CELSR1: variants seen among roughly 807,000 people sequenced by gnomAD.
CELSR1 encodes cadherin EGF LAG seven-pass G-type receptor 1.
A neutral mutation model predicts 249.1 loss-of-function variants in CELSR1; 110 were observed. The ratio of observed to expected loss-of-function variants is 0.44; its 90% confidence interval spans 0.38 to 0.52. The LOEUF (loss-of-function observed/expected upper bound fraction) is 0.52. Ranked by LOEUF, CELSR1 falls within the 20% of genes least tolerant of loss-of-function variation. The probability of loss-of-function intolerance (pLI) is 0.00; values close to 1 mark genes in which losing one functional copy is unlikely to be tolerated. For synonymous variants in CELSR1, 2,113 were observed against 1,900.0 expected, an observed-to-expected ratio of 1.11 and a Z score of -2.92; for missense variants, 4,109 against 4,296.4, an observed-to-expected ratio of 0.96 and a Z score of 1.22.
rs759448590 is a variant in CELSR1 at position 46,408,985 on chromosome 22, G to A, written c.5226+11C>T. The A allele has an allele frequency of 3.2e-5, 51 of 1,597,292 alleles. No homozygotes were observed. Among genetic ancestry groups the A allele is most frequent in the Middle Eastern group, 4.1e-4 (2 of 4,856 alleles). ...CTAGCAGGTGCCTTGGTGGCACGGGGCCCCAGTCACCTGGAGGCGAAAGCT... is the reference window on the plus strand; with the variant it reads ...CTAGCAGGTGCCTTGGTGGCACGGGACCCCAGTCACCTGGAGGCGAAAGCT... On this transcript the variant is annotated intron_variant, in intron 9 of 34. Transcript: ENST00000674500. The surrounding 1 kb of genome is among the most constrained non-coding windows in gnomAD (Gnocchi z 4.6).
intron 24 of CELSR1, among the ~76,000 whole-genome samples, chr22:46,375,101 G>A (rs1480041423): frequency 1.3e-5 from 2 of 152,144 alleles, no homozygotes; most frequent in Non-Finnish European, 1.5e-5. Flanking sequence ...TGGTCCCACC[G>A]CTTGCCGTAA....
Position 46,491,219 on chromosome 22 carries a change from C to T in CELSR1, c.3545-26874G>A, listed in dbSNP as rs185718530. Among the ~76,000 whole-genome samples, 204 of 151,818 alleles carry T rather than the reference C, an allele frequency of 1.3e-3. 1 individual carries two copies. Among genetic ancestry groups the T allele is most frequent in the African/African-American group, 4.6e-3 (190 of 41,414 alleles). On this transcript the variant is annotated intron_variant, in intron 1 of 34. Coordinates refer to ENST00000674500, the MANE Select transcript of CELSR1 (RefSeq NM_001378328.1). The stretch of plus-strand genomic sequence containing the variant: ...CGTCTCCTAGGGGGAAAAGCAGCCC[C>T]ATCTGAGTGCCACTATACTAAAGAA...
chr22:46,482,536 G>A (rs1437835796), intron 1 of CELSR1, among the ~76,000 whole-genome samples: 1 of 152,136 alleles, frequency 6.6e-6, no homozygotes, highest in Non-Finnish European at 1.5e-5. Context: ...TAGAGGTTAA[G>A]TGACTTGCCC....
In CELSR1 at chr22:46,382,017, G is replaced by C; in HGVS notation, c.6917C>G (p.Thr2306Ser). The C allele has an allele frequency of 6.4e-7, 1 of 1,557,032 alleles. No individual in the cohort carries two copies. Among genetic ancestry groups the C allele is most frequent in the South Asian group, 1.2e-5 (1 of 84,874 alleles). Reference protein sequence around the residue: ...GPLLRPAGRRTTPQTTRPGPG... With the variant: ...GPLLRPAGRRSTPQTTRPGPG... ...CCCCGGGCGCGTGGTCTGCGGGGTG[G>C]TCCTCCGGCCAGCCGGCCTCAGCAG... Residue 2306 changes from threonine (T) to serine (S), a missense_variant, in exon 21 of 35, where the codon ACC (threonine) becomes AGC (serine). Thr to Ser is a moderately conservative substitution (Grantham distance 58). This residue lies in a region of CELSR1 where 1,805 missense variants were observed against 1,831.6 expected (regional missense o/e 0.99). Transcript: ENST00000674500.
chr22:46,380,756 C>T lies in CELSR1; in HGVS notation c.7256+32G>A. On this transcript the variant is annotated intron_variant, in intron 22 of 34. Coordinates refer to ENST00000674500, the MANE Select transcript of CELSR1 (RefSeq NM_001378328.1). The surrounding 1 kb of genome is among the most constrained non-coding windows in gnomAD (Gnocchi z 5.1). Reference sequence around the variant, plus strand: ...GCGGGGGCACTCTGCCTTGGCAAAGCCCTCACATGGGGCTCCTGGCGTCAC... The same window carrying T: ...GCGGGGGCACTCTGCCTTGGCAAAGTCCTCACATGGGGCTCCTGGCGTCAC... 2 of 1,603,444 alleles carry T rather than the reference C, an allele frequency of 1.2e-6. No homozygotes were observed. The highest frequency in any genetic ancestry group is 8.5e-7 in the Non-Finnish European group (1 of 1,174,352).
chr22:46,439,479 T>G lies in CELSR1; in HGVS notation c.4184-68A>C. The stretch of plus-strand genomic sequence containing the variant: ...AGCCAGGGAAAAGCCAACGAGCCTG[T>G]CGCAGACCCTGGACACACCCCAGCC... On this transcript the variant is annotated intron_variant, in intron 2 of 34. Transcript: ENST00000674500. 5 of 1,352,880 alleles carry G rather than the reference T, an allele frequency of 3.7e-6. No individual in the cohort carries two copies. In the South Asian group the frequency reaches 6.5e-5, roughly 18 times the overall value. The allele number at this position is 1,352,880 out of a possible 1,614,324, so 83.8% of individuals were successfully genotyped here.
chr22:46,409,259 G>C lies in CELSR1; in HGVS notation c.5060-97C>G. Reference sequence around the variant, plus strand: ...GGGGATGGGCCTGCAGGCTAGGCCTGGGCCTTTTTCACTTTAACACGAAGG... The same window carrying C: ...GGGGATGGGCCTGCAGGCTAGGCCTCGGCCTTTTTCACTTTAACACGAAGG... On this transcript the variant is annotated intron_variant, in intron 8 of 34. Transcript: ENST00000674500. This position sits in a 1 kb window ranked among gnomAD's most constrained non-coding sequence, Gnocchi z 9.8. 6 of 1,340,706 alleles carry C rather than the reference G, an allele frequency of 4.5e-6. No homozygotes were observed. The highest frequency in any genetic ancestry group is 6.1e-6 in the Non-Finnish European group (6 of 976,794). 83.1% of individuals were successfully genotyped at this position (1,340,706 alleles called of 1,614,324 possible). A position where few individuals can be genotyped will look rare whatever the true frequency, so the allele number is the denominator to read the frequency against.
rs929640916 is a variant in CELSR1 at position 46,369,103 on chromosome 22, C to T, written c.7952+76G>A. The T allele has an allele frequency of 2.7e-6, 4 of 1,468,422 alleles. No homozygotes were observed. In the African/African-American group the frequency reaches 4.2e-5, roughly 15 times the overall value. 91.0% of individuals were successfully genotyped at this position (1,468,422 alleles called of 1,614,324 possible). A position where few individuals can be genotyped will look rare whatever the true frequency, so the allele number is the denominator to read the frequency against. On this transcript the variant is annotated intron_variant, in intron 27 of 34. Transcript: ENST00000674500. ...AGGCCTACACGCTCTCATGGGGCCCCACCCCGCAGAGACTGGACGTCGGGG... is the reference window on the plus strand; with the variant it reads ...AGGCCTACACGCTCTCATGGGGCCCTACCCCGCAGAGACTGGACGTCGGGG...
rs147770062 is a variant in CELSR1, at chr22:46,468,172, C to A, written c.3545-3827G>T. 0.049 allele frequency among the ~76,000 whole-genome samples: 7,383 copies of A among 151,572 alleles called. 507 individuals are homozygous for A. Among genetic ancestry groups the A allele is most frequent in the African/African-American group, 0.15 (6,385 of 41,264 alleles). On this transcript the variant is annotated intron_variant, in intron 1 of 34. Transcript: ENST00000674500. This position sits in a 1 kb window ranked among gnomAD's most constrained non-coding sequence, Gnocchi z 4.5. ...GGAGGCCGAGGTGGGTGGATCACGA[C>A]GTCAGGAGTTCAAGACCAGCCTGGG...
In CELSR1 at chr22:46,391,147, C is replaced by G; in HGVS notation, c.6250+39G>C. On this transcript the variant is annotated intron_variant, in intron 16 of 34. Coordinates refer to ENST00000674500, the MANE Select transcript of CELSR1 (RefSeq NM_001378328.1). The surrounding 1 kb of genome is among the most constrained non-coding windows in gnomAD (Gnocchi z 4.3). ...TCGACTGGCTCCTCCCACAAGGACG[C>G]CTGCCTCAGTTCCCTACACACAGGC... The G allele has an allele frequency of 6.5e-7, 1 of 1,537,400 alleles. No homozygotes were observed. The highest frequency in any genetic ancestry group is 1.1e-5 in the South Asian group (1 of 88,788).
chr22:46,370,160 C>A, intron 25 of CELSR1: 1 of 467,286 alleles, frequency 2.1e-6, no homozygotes, highest in East Asian at 6.6e-5. Flanking sequence ...GCCAGCTGGG[C>A]CATGTAGAGG....
At chr22:46,368,625 CG>C (rs11304371) in intron 27 of CELSR1, among the ~76,000 whole-genome samples, 22,270 of 152,042 alleles carry the variant, frequency 0.15, 5,391 homozygotes, top group African/African-American at 0.5. Flanking sequence ...CAGATGCCCC[CG>C]TCAACCCCTC....
rs563473357 is a variant in CELSR1 at position 46,381,977 on chromosome 22, C to T, written c.6957G>A (p.Arg2319=). The stretch of plus-strand genomic sequence containing the variant: ...GCCTCCGCCTGCTGATCGGGGCCTC[C>T]CTCTCGGTGCCAGGCCCCGGGCGCG... ...QTTRPGPGTE[R]EAPISRRRRH... Residue 2319 remains arginine, a synonymous_variant, in exon 21 of 35, where the codon AGG becomes AGA. Coordinates refer to ENST00000674500, the MANE Select transcript of CELSR1 (RefSeq NM_001378328.1). This position sits in a 1 kb window ranked among gnomAD's most constrained non-coding sequence, Gnocchi z 6.0. 71 of 1,565,682 alleles carry T rather than the reference C, an allele frequency of 4.5e-5. 1 individual carries two copies. In the Middle Eastern group the frequency reaches 1.0e-3, roughly 22 times the overall value.
chr22:46,404,286 C>A (rs2079240632), intron 9 of CELSR1, among the ~76,000 whole-genome samples: 1 of 151,954 alleles, frequency 6.6e-6, no homozygotes, highest in South Asian at 2.1e-4. Context: ...GTGGCACACA[C>A]CTGTAATCTC....
chr22:46,479,412 A>C (rs1353175613), intron 1 of CELSR1, among the ~76,000 whole-genome samples: 1 of 152,002 alleles, frequency 6.6e-6, no homozygotes, highest in Non-Finnish European at 1.5e-5. Context: ...CTGCCCTGGA[A>C]GCCCCTACCA....
In CELSR1 at chr22:46,518,947, C is replaced by T. The variant is rs753103673; in HGVS notation, c.3544+14680G>A. Among the ~76,000 whole-genome samples, 8 of 151,992 alleles carry T rather than the reference C, an allele frequency of 5.3e-5. No individual in the cohort carries two copies. The highest frequency in any genetic ancestry group is 8.8e-5 in the Non-Finnish European group (6 of 67,974). ...ACTCGGGAGGCAGAGGCAGGAGAAT[C>T]GCTTAAACCCAGGAGGCAAAGGTTG... On this transcript the variant is annotated intron_variant, in intron 1 of 34. Coordinates refer to ENST00000674500, the MANE Select transcript of CELSR1 (RefSeq NM_001378328.1). This position sits in a 1 kb window ranked among gnomAD's most constrained non-coding sequence, Gnocchi z 5.2.
intron 1 of CELSR1, among the ~76,000 whole-genome samples, chr22:46,474,785 C>CTTTTT (rs1569189753): frequency 6.6e-5 from 3 of 45,196 alleles, no homozygotes; most frequent in African/African-American, 2.9e-4. Flanking sequence ...CTACTCTCTA[C>CTTTTT]TTCTTTTTTT....
At chr22:46,455,428 C>G (rs2079936797) in intron 2 of CELSR1, among the ~76,000 whole-genome samples, 1 of 152,122 alleles carries the variant, frequency 6.6e-6, no homozygotes, top group Non-Finnish European at 1.5e-5. Flanking sequence ...CGGTGTTTCA[C>G]CATGTTGGTC....
Position 46,396,836 on chromosome 22 carries a change from ATC to A in CELSR1, c.5702-92_5702-91del. The A allele has an allele frequency of 6.6e-7, 1 of 1,508,648 alleles. No homozygotes were observed. The highest frequency in any genetic ancestry group is 9.0e-7 in the Non-Finnish European group (1 of 1,111,752). The allele number at this position is 1,508,648 out of a possible 1,614,324, so 93.5% of individuals were successfully genotyped here. A position where few individuals can be genotyped will look rare whatever the true frequency, so the allele number is the denominator to read the frequency against. ...TGGAGCAACCTGTCCCCTCCAGAAG[ATC>A]TGACTTTCCCTGGTACTCAGCAGAG... On this transcript the variant is annotated intron_variant, in intron 12 of 34. Transcript: ENST00000674500. The surrounding 1 kb of genome is among the most constrained non-coding windows in gnomAD (Gnocchi z 6.4).
Sources: allele counts gnomAD v4.1 joint callset (sites outside exome capture counted in the v4.1 genomes callset), GRCh38; gene constraint gnomAD v4.1.1; regional missense constraint gnomAD v4.1.1; non-coding constraint Gnocchi (gnomAD v3.1); transcripts MANE v1.5; gene names NCBI Gene and HGNC (gene_info 2026-07-23, HGNC 2026-07-21).